KIF2C: variants seen among roughly 807,000 people sequenced by gnomAD.
KIF2C encodes the protein kinesin family member 2C, also known as kinesin-like protein KIF2C.
Under a neutral mutation model 97.4 loss-of-function variants are expected in KIF2C, and 34 were observed. The observed-to-expected ratio is 0.35, with a 90% CI of 0.27 to 0.46. The LOEUF is 0.46. Ranked by LOEUF, KIF2C falls within the 20% of genes least tolerant of loss-of-function variation. KIF2C has a pLI of 1.00. For synonymous variants in KIF2C, 313 were observed against 318.2 expected (o/e 0.98, Z 0.17); for missense variants, 750 against 907.6 (o/e 0.83, Z 2.23).
At position 44,760,751 on chromosome 1, in the gene KIF2C, C is replaced by A; in HGVS notation, c.1683+49C>A. 6.8e-7 allele frequency: 1 copy of A among 1,465,738 alleles called. No individual in the cohort carries two copies. The highest frequency in any genetic ancestry group is 9.5e-7 in the Non-Finnish European group (1 of 1,048,866). 90.8% of individuals were successfully genotyped at this position (1,465,738 alleles called of 1,614,324 possible). On this transcript the variant is annotated intron_variant, in intron 16 of 20. Coordinates refer to ENST00000372224, the MANE Select transcript of KIF2C (RefSeq NM_006845.4). The surrounding 1 kb of genome is among the most constrained non-coding windows in gnomAD (Gnocchi z 4.2). ...GATGGTACAGGAGGAGACAGAGTTG[C>A]TTTCCACAGAGACACTTAGTCCTGT...
At chr1:44,754,692 G>A in intron 7 of KIF2C, 58 bp from the exon 8 acceptor site, 1 of 963,002 alleles carries the variant, frequency 1.0e-6, no homozygotes. Context: ...GCCGCATAGG[G>A]GTCTGAGAGC....
intron 2 of KIF2C, among the ~76,000 whole-genome samples, chr1:44,742,574 C>T (rs1216379238): frequency 1.3e-5 from 2 of 151,896 alleles, no homozygotes; most frequent in African/African-American, 2.4e-5. Context: ...CAAAAATTAG[C>T]TGGGTGTGGT....
intron 14 of KIF2C, among the ~76,000 whole-genome samples, chr1:44,759,634 G>T (rs1019064412): frequency 6.6e-6 from 1 of 152,140 alleles, no homozygotes; most frequent in African/African-American, 2.4e-5. Context: ...GTTGCAGTGA[G>T]CTGTGATCGC....
chr1:44,763,574 G>A lies in KIF2C; in HGVS notation c.1971+916G>A, dbSNP rs563941375. ...AGTCTTCTAGATGGTTCATCTCACA[G>A]GCCTGGACTGCATCATGAGGAAGCC... is the stretch of plus-strand genomic sequence containing the variant. On this transcript the variant is annotated intron_variant, in intron 19 of 20. Coordinates refer to ENST00000372224, the MANE Select transcript of KIF2C (RefSeq NM_006845.4). Among the ~76,000 whole-genome samples, 12 of 152,250 alleles carry A rather than the reference G, an allele frequency of 7.9e-5. No homozygotes were observed. The South Asian group carries it at 2.1e-3, about 26-fold the overall frequency.
In KIF2C at chr1:44,749,140, T is replaced by A. The variant is rs541596619; in HGVS notation, c.317-1302T>A. Among the ~76,000 whole-genome samples, 10 of 151,792 alleles carry A rather than the reference T, an allele frequency of 6.6e-5. No individual in the cohort carries two copies. In the South Asian group the frequency reaches 2.1e-3, roughly 32 times the overall value. ...GGTGAAACCCTGTCTCTATTCAAAA[T>A]ACAAAAAACTGGCCGGGTGTGGTGG... is the stretch of plus-strand genomic sequence containing the variant. On this transcript the variant is annotated intron_variant, in intron 4 of 20. Transcript: ENST00000372224.
chr1:44,765,052 G>A (rs1170095526), intron 19 of KIF2C, among the ~76,000 whole-genome samples: 14 of 152,078 alleles, frequency 9.2e-5, no homozygotes, highest in African/African-American at 2.9e-4. Flanking sequence ...CCCAGGAGGC[G>A]AAGGTTATAG....
In KIF2C at chr1:44,756,794, C is replaced by T. The variant is rs561596151; in HGVS notation, c.977+557C>T. 4.6e-5 allele frequency among the ~76,000 whole-genome samples: 7 copies of T among 151,856 alleles called. No individual in the cohort carries two copies. The South Asian group carries it at 8.3e-4, about 18-fold the overall frequency. ...CTCAAACTCCTGACCTCAGGTGATC[C>T]GCTCGCCTTGGCCTCCCAAAGTGCT... On this transcript the variant is annotated intron_variant, in intron 10 of 20. Coordinates refer to ENST00000372224, the MANE Select transcript of KIF2C (RefSeq NM_006845.4).
chr1:44,744,090 GT>G (rs938293832), intron 2 of KIF2C, among the ~76,000 whole-genome samples: 7 of 70,658 alleles, frequency 9.9e-5, no homozygotes, highest in East Asian at 6.6e-4. Flanking sequence ...TTTTTTTTTT[GT>G]TTGTTTGTTT....
chr1:44,750,915 G>A (rs915637778), intron 5 of KIF2C, among the ~76,000 whole-genome samples: 2 of 152,060 alleles, frequency 1.3e-5, no homozygotes, highest in Non-Finnish European at 2.9e-5. Flanking sequence ...GTTTTCCTGT[G>A]GCCATGGAAT....
chr1:44,761,774 G>A (rs140817541), intron 16 of KIF2C, 142 bp from the exon 17 acceptor site: 129 of 743,480 alleles, frequency 1.7e-4, no homozygotes, highest in African/African-American at 6.4e-4. Flanking sequence ...AGCACAGCGC[G>A]GTGCTAAATG....
chr1:44,766,290 T>C (rs1650459947), intron 19 of KIF2C, among the ~76,000 whole-genome samples: 1 of 151,900 alleles, frequency 6.6e-6, no homozygotes, highest in Admixed American at 6.6e-5. Context: ...AATGATGTTA[T>C]TCATTTGACA....
At chr1:44,742,698 A>C (rs1430325749) in intron 2 of KIF2C, among the ~76,000 whole-genome samples, 1 of 148,368 alleles carries the variant, frequency 6.7e-6, no homozygotes, top group African/African-American at 2.5e-5. Context: ...CAGCCTGGGC[A>C]ACAGAGTGAA....
intron 19 of KIF2C, among the ~76,000 whole-genome samples, chr1:44,765,003 C>A (rs1206050418): frequency 6.6e-6 from 1 of 151,960 alleles, no homozygotes; most frequent in Non-Finnish European, 1.5e-5. Context: ...ATCTGTTATC[C>A]CAGCTACTTG....
intron 5 of KIF2C, 138 bp downstream of exon 5, chr1:44,750,702 T>G: frequency 9.8e-7 from 1 of 1,016,644 alleles, no homozygotes; most frequent in South Asian, 3.7e-5. Context: ...CAACACGGCT[T>G]TCTTATTTGG....
chr1:44,741,922 A>C (rs939688817), intron 2 of KIF2C, among the ~76,000 whole-genome samples: 3 of 150,140 alleles, frequency 2.0e-5, no homozygotes, highest in African/African-American at 7.4e-5. Flanking sequence ...GAGTCTGGGA[A>C]AGCACAGGTT....
At chr1:44,767,061 CACTA>C (rs753815394) in intron 20 of KIF2C, 32 bp from the exon 21 acceptor site, 16 of 1,610,654 alleles carry the variant, frequency 9.9e-6, no homozygotes, top group Admixed American at 1.7e-5. Context: ...CTCAGACTCT[CACTA>C]ACCCCATATG....
Position 44,753,840 on chromosome 1 carries a change from T to C in KIF2C, c.663+7T>C. On this transcript the variant is annotated splice_region_variant and intron_variant, in intron 7 of 20. Coordinates refer to ENST00000372224, the MANE Select transcript of KIF2C (RefSeq NM_006845.4). ...GAGAATGAAGAGAGCTCAGGTACCT[T>C]TCTTGGGAGACTAGGGTAAGGGTTT... 6 of 1,570,258 alleles carry C rather than the reference T, an allele frequency of 3.8e-6. No homozygotes were observed. The highest frequency in any genetic ancestry group is 5.2e-6 in the Non-Finnish European group (6 of 1,149,498).
At chr1:44,758,859 C>A (rs112262637) in intron 13 of KIF2C, among the ~76,000 whole-genome samples, 8,470 of 151,914 alleles carry the variant, frequency 0.056, 813 homozygotes, top group African/African-American at 0.19. Context: ...CTGGGCGATA[C>A]GAGCGAAACT....
intron 2 of KIF2C, among the ~76,000 whole-genome samples, chr1:44,747,176 C>T (rs574086196): frequency 1.3e-5 from 2 of 151,892 alleles, no homozygotes; most frequent in South Asian, 2.1e-4. Flanking sequence ...GGCGTGGTGG[C>T]GCATGCCTGT....
Sources: allele counts gnomAD v4.1 joint callset (sites outside exome capture counted in the v4.1 genomes callset), GRCh38; gene constraint gnomAD v4.1.1; non-coding constraint Gnocchi (gnomAD v3.1); transcripts MANE v1.5; gene names NCBI Gene and HGNC (gene_info 2026-07-23, HGNC 2026-07-21).